Variants in COLEC10 observed in about 807,000 individuals in gnomAD.
The protein encoded by COLEC10 is collectin-10.
COLEC10 carries 22 observed loss-of-function variants against 28.4 expected under a neutral mutation model. The observed-to-expected ratio is 0.78, with a 90% CI of 0.55 to 1.11. The LOEUF (loss-of-function observed/expected upper bound fraction) is 1.11. Ranked by LOEUF, COLEC10 falls within the 50% of genes least tolerant of loss-of-function variation. The pLI is 0.00. For synonymous variants in COLEC10, 125 were observed against 116.1 expected, an observed-to-expected ratio of 1.08 and a Z score of -0.49; for missense variants, 361 against 344.1, an observed-to-expected ratio of 1.05 and a Z score of -0.39.
chr8:119,102,435 G>A (rs1284250807), intron 4 of COLEC10, 34 bp downstream of exon 4: 1 of 1,542,128 alleles, frequency 6.5e-7, no homozygotes, highest in Admixed American at 1.9e-5. Flanking sequence ...TTGATTTCTA[G>A]CATGATTCCA....
chr8:119,010,793 C>T lies in COLEC10; in HGVS notation n.235+1240C>T, dbSNP rs1010756267. ...TTTTCATATGGTAATTTGCCATCTG[C>T]GCATCTTTAGTGAGGTGTCTGTTAA... On this transcript the variant is annotated intron_variant and non_coding_transcript_variant, in intron 2 of 6. Transcript: ENST00000521788. 3.3e-5 allele frequency among the ~76,000 whole-genome samples: 5 copies of T among 150,978 alleles called. 1 individual carries two copies. Among genetic ancestry groups the T allele is most frequent in the African/African-American group, 1.2e-4 (5 of 40,452 alleles).
chr8:119,058,381 C>T (rs1814798409), intron 2 of COLEC10, among the ~76,000 whole-genome samples: 1 of 151,968 alleles, frequency 6.6e-6, no homozygotes, highest in Non-Finnish European at 1.5e-5. Flanking sequence ...ATACAGCCAT[C>T]ACTTCAACAG....
chr8:119,020,540 A>C (rs1814072779), intron 2 of COLEC10, among the ~76,000 whole-genome samples: 1 of 152,170 alleles, frequency 6.6e-6, no homozygotes, highest in Non-Finnish European at 1.5e-5. Context: ...GGTTCTGATT[A>C]AGAGTCAAGC....
At chr8:118,962,509 A>T in the COLEC10 span, among the ~76,000 whole-genome samples, 2 of 152,324 alleles carry the variant, frequency 1.3e-5, no homozygotes, top group South Asian at 4.1e-4. Context: ...ATGACTTTGG[A>T]CATATGTGAA....
At chr8:118,963,981 C>T in the COLEC10 span, among the ~76,000 whole-genome samples, 1 of 152,100 alleles carries the variant, frequency 6.6e-6, no homozygotes, top group South Asian at 2.1e-4. Context: ...TGAATGCATA[C>T]ACCAATGTGC....
At chr8:119,034,535 A>C (rs1455068103) in intron 2 of COLEC10, among the ~76,000 whole-genome samples, 1 of 152,018 alleles carries the variant, frequency 6.6e-6, no homozygotes, top group African/African-American at 2.4e-5. Context: ...AGATAGTGAA[A>C]CCTCATCTCT....
At chr8:119,024,274 A>T (rs1814149014) in intron 2 of COLEC10, among the ~76,000 whole-genome samples, 1 of 152,106 alleles carries the variant, frequency 6.6e-6, no homozygotes, top group Admixed American at 6.6e-5. Context: ...GCCGTTTTTG[A>T]AGAAAGGCTT....
rs1378769190 is a variant in COLEC10, at chr8:119,106,394, C to G, written c.*203C>G. 3.8e-6 allele frequency: 2 copies of G among 527,992 alleles called. No individual in the cohort carries two copies. The highest frequency in any genetic ancestry group is 2.8e-5 in the South Asian group (1 of 35,872). 32.7% of individuals were successfully genotyped at this position (527,992 alleles called of 1,614,324 possible). On this transcript the variant is annotated 3_prime_UTR_variant, in exon 6 of 6. Coordinates refer to ENST00000332843, the MANE Select transcript of COLEC10 (RefSeq NM_006438.5). ...ACATGGTATATTATTGACCCAATAA[C>G]TCGCCAGGTTACATGGGTCTTGAGA... is the stretch of plus-strand genomic sequence containing the variant.
intron 3 of COLEC10, among the ~76,000 whole-genome samples, chr8:119,095,656 C>T (rs1005334844): frequency 6.6e-6 from 1 of 152,096 alleles, no homozygotes; most frequent in Non-Finnish European, 1.5e-5. Context: ...GAGCTGAGAT[C>T]CCAGCACTGC....
At chr8:119,102,241 T>A (rs1248067049) in intron 3 of COLEC10, 107 bp from the exon 4 acceptor site, 1 of 279,960 alleles carries the variant, frequency 3.6e-6, no homozygotes. Context: ...CCTCCCTCCC[T>A]CCTTCCTTCT....
At position 119,067,374 on chromosome 8, in the gene COLEC10, T is replaced by C. The variant is rs1372716087; in HGVS notation, c.93T>C (p.Asp31=). 3 of 1,614,078 alleles carry C rather than the reference T, an allele frequency of 1.9e-6. No individual in the cohort carries two copies. The highest frequency in any genetic ancestry group is 2.5e-6 in the Non-Finnish European group (3 of 1,179,982). Residue 31 remains aspartate, a synonymous_variant, in exon 1 of 6, where the codon GAT becomes GAC. Coordinates refer to ENST00000332843, the MANE Select transcript of COLEC10 (RefSeq NM_006438.5). ...LQIQSLGLDI[D]SRPTAEVCAT... ...TTCAGAGTCTGGGTCTGGATATTGA[T>C]AGCCGTCCTACCGCTGAAGTCTGTG...
rs1347124600 is a variant in COLEC10, at chr8:119,079,040, CA to C, written c.149-10639del. On this transcript the variant is annotated intron_variant, in intron 1 of 5. Transcript: ENST00000332843. ...ACACACACACACACACACACACACA[CA>C]CACCAACCAGGATGTTGCAAATCTG... 2.1e-3 allele frequency among the ~76,000 whole-genome samples: 247 copies of C among 120,438 alleles called. 3 individuals carry two copies. Among genetic ancestry groups the C allele is most frequent in the Non-Finnish European group, 5.8e-4 (33 of 57,116 alleles). The allele number at this position is 120,438 out of a possible 152,430, so 79.0% of individuals were successfully genotyped here. A position where few individuals can be genotyped will look rare whatever the true frequency, so the allele number is the denominator to read the frequency against.
chr8:119,002,466 T>C (rs1274370085), intron 1 of COLEC10, among the ~76,000 whole-genome samples: 2 of 152,174 alleles, frequency 1.3e-5, no homozygotes, highest in Non-Finnish European at 2.9e-5. Context: ...GAATTATTCT[T>C]CCATTAAAGT....
the COLEC10 span, among the ~76,000 whole-genome samples, chr8:118,971,092 G>T: frequency 1.3e-5 from 2 of 151,906 alleles, no homozygotes; most frequent in Admixed American, 6.6e-5. Flanking sequence ...AGGGGGAGTT[G>T]GGTTAGTGTT....
At chr8:118,969,052 G>T in the COLEC10 span, among the ~76,000 whole-genome samples, 5 of 151,916 alleles carry the variant, frequency 3.3e-5, no homozygotes, top group Admixed American at 3.3e-4. Flanking sequence ...GAATTATCTG[G>T]CAGGCTCGAT....
At chr8:119,056,290 T>C (rs1814760274) in intron 2 of COLEC10, among the ~76,000 whole-genome samples, 2 of 152,042 alleles carry the variant, frequency 1.3e-5, no homozygotes, top group South Asian at 2.1e-4. Context: ...ATTTACCTAA[T>C]TAAAAATGTT....
Position 119,048,523 on chromosome 8 carries a change from AT to A in COLEC10, n.235+38971del, listed in dbSNP as rs1286691608. ...TTGTATTATGAATCTGGGTGCTCCA[AT>A]GTTGGATGTACATATTTAGGATGGT... is the stretch of plus-strand genomic sequence containing the variant. On this transcript the variant is annotated intron_variant and non_coding_transcript_variant, in intron 2 of 6. Transcript: ENST00000521788. Among the ~76,000 whole-genome samples the A allele has an allele frequency of 9.2e-5, 14 of 152,274 alleles. No homozygotes were observed. In the East Asian group the frequency reaches 2.5e-3, roughly 27 times the overall value.
rs1188522888 is a variant in COLEC10, at chr8:119,067,412, T to C, written c.131T>C (p.Ile44Thr). 6.2e-7 allele frequency: 1 copy of C among 1,613,858 alleles called. No individual in the cohort carries two copies. Among genetic ancestry groups the C allele is most frequent in the Admixed American group, 1.7e-5 (1 of 59,966 alleles). ...GCTGAAGTCTGTGCCACACACACAA[T>C]TTCACCAGGACCCAAAGGTGAGGAA... ...PTAEVCATHT[I>T]SPGPKGDDGE... Residue 44 changes from isoleucine (I) to threonine (T), a missense_variant, in exon 1 of 6, where the codon ATT becomes ACT. This residue lies in a region of COLEC10 where 335 missense variants were observed against 308.5 expected (regional missense o/e 1.09). Transcript: ENST00000332843.
At chr8:118,981,883 A>G in the COLEC10 span, among the ~76,000 whole-genome samples, 2 of 152,100 alleles carry the variant, frequency 1.3e-5, no homozygotes, top group Non-Finnish European at 2.9e-5. Context: ...GCATGAAACA[A>G]TGACTTCCTG....
Sources: gnomAD v4.1 joint callset for allele counts (sites outside exome capture counted in the v4.1 genomes callset) on GRCh38, gnomAD v4.1.1 for gene constraint, gnomAD v4.1.1 regional missense constraint, MANE v1.5 for transcripts, NCBI Gene and HGNC (gene_info 2026-07-23, HGNC 2026-07-21) for gene names.